Variants in SNX9 observed in about 807,000 individuals in gnomAD.
SNX9 encodes the protein sorting nexin-9.
Under a neutral mutation model 89.4 loss-of-function variants are expected in SNX9, and 44 were observed. The ratio of observed to expected loss-of-function variants is 0.49; its 90% CI spans 0.39 to 0.63. SNX9 has a LOEUF of 0.63. Among genes scored for constraint, SNX9 ranks in the 30% least tolerant of loss-of-function variants. The pLI is 0.00. For missense variants in SNX9, 578 were observed against 736.1 expected, an observed-to-expected ratio of 0.79 and a Z score of 2.49; for synonymous variants, 236 against 247.8, an observed-to-expected ratio of 0.95 and a Z score of 0.45.
intron 12 of SNX9, among the ~76,000 whole-genome samples, chr6:157,931,898 C>T (rs1405182668): frequency 6.6e-6 from 1 of 152,172 alleles, no homozygotes; most frequent in African/African-American, 2.4e-5. Context: ...GCTAGAAGTA[C>T]TTTGTAAGCT....
At chr6:157,879,149 C>T (rs368037071) in intron 4 of SNX9, among the ~76,000 whole-genome samples, 3 of 152,182 alleles carry the variant, frequency 2.0e-5, no homozygotes, top group Non-Finnish European at 2.9e-5. Context: ...TAAGGCCCAG[C>T]GGTTCTGAGT....
At chr6:157,884,930 C>T (rs149894972) in intron 4 of SNX9, among the ~76,000 whole-genome samples, 46 of 152,258 alleles carry the variant, frequency 3.0e-4, no homozygotes, top group Middle Eastern at 3.4e-3. Flanking sequence ...TACATCCTGT[C>T]ATCAGCACAG....
chr6:157,906,661 A>G (rs1055748855), intron 7 of SNX9, among the ~76,000 whole-genome samples: 2 of 152,202 alleles, frequency 1.3e-5, no homozygotes, highest in African/African-American at 4.8e-5. Flanking sequence ...CAGCTGTCAA[A>G]TTGAGATAAG....
At chr6:157,824,977 C>G (rs1002243288) in intron 1 of SNX9, among the ~76,000 whole-genome samples, 3 of 152,148 alleles carry the variant, frequency 2.0e-5, no homozygotes, top group African/African-American at 4.8e-5. Flanking sequence ...GGCGCGGTGG[C>G]TCACTCCCAC....
intron 9 of SNX9, among the ~76,000 whole-genome samples, chr6:157,916,520 G>A (rs1783475722): frequency 6.6e-6 from 1 of 152,208 alleles, no homozygotes; most frequent in Non-Finnish European, 1.5e-5. Flanking sequence ...TAGGGACAAA[G>A]CATTCAGTCT....
chr6:157,834,501 C>G (rs1453597345), intron 1 of SNX9, among the ~76,000 whole-genome samples: 3 of 148,042 alleles, frequency 2.0e-5, no homozygotes, highest in Admixed American at 6.7e-5. Flanking sequence ...TGTGTGCCAC[C>G]CCCCCGGCCA....
chr6:157,882,333 A>G (rs948611044), intron 4 of SNX9, among the ~76,000 whole-genome samples: 1 of 152,208 alleles, frequency 6.6e-6, no homozygotes, highest in African/African-American at 2.4e-5. Context: ...GCTCATTGAC[A>G]ATGCCCCTGG....
chr6:157,915,177 A>G (rs1783435571), intron 9 of SNX9, among the ~76,000 whole-genome samples: 1 of 152,174 alleles, frequency 6.6e-6, no homozygotes, highest in African/African-American at 2.4e-5. Context: ...CGCTAGTCCT[A>G]CACTGTCTTG....
In SNX9 at chr6:157,860,612, A is replaced by C. The variant is rs917772785; in HGVS notation, c.13-6935A>C. The stretch of plus-strand genomic sequence containing the variant: ...TCTTTGTCTAATTGTTCTTGTGTGC[A>C]CCGCATATAGAAGCTTTGATCTGGG... On this transcript the variant is annotated intron_variant, in intron 1 of 17. Transcript: ENST00000392185. Among the ~76,000 whole-genome samples the C allele has an allele frequency of 7.2e-5, 11 of 152,294 alleles. 1 individual carries two copies. The East Asian group carries it at 1.9e-3, about 27-fold the overall frequency.
chr6:157,895,568 A>C (rs950508788), intron 4 of SNX9, among the ~76,000 whole-genome samples: 32 of 152,172 alleles, frequency 2.1e-4, no homozygotes, highest in African/African-American at 7.7e-4. Context: ...ACAATGTGAA[A>C]GAATATTGTG....
intron 16 of SNX9, 68 bp downstream of exon 16, chr6:157,938,815 TAGAG>T (rs1225753638): frequency 5.0e-6 from 6 of 1,193,290 alleles, no homozygotes; most frequent in Non-Finnish European, 7.4e-6. Flanking sequence ...TTTCCCTTGA[TAGAG>T]AGAAATCCAG....
chr6:157,907,768 G>A (rs1783248844), intron 7 of SNX9, among the ~76,000 whole-genome samples: 1 of 152,188 alleles, frequency 6.6e-6, no homozygotes, highest in African/African-American at 2.4e-5. Flanking sequence ...GTCTTCAGGA[G>A]GCCCAGAGAA....
intron 9 of SNX9, among the ~76,000 whole-genome samples, chr6:157,915,640 A>ATATATATAT (rs1554296799): frequency 4.5e-4 from 43 of 95,134 alleles, no homozygotes; most frequent in African/African-American, 1.9e-3. Context: ...AAAAAAAAAA[A>ATATATATAT]ATATATATAT....
rs1783299535 is a variant in SNX9, at chr6:157,909,804, T to G, written c.831+14T>G. 1 of 1,613,498 alleles carries G rather than the reference T, an allele frequency of 6.2e-7. No individual in the cohort carries two copies. The highest frequency in any genetic ancestry group is 2.2e-5 in the East Asian group (1 of 44,878). ...CTAACACCTACTGTAAGTATCCACG[T>G]TATCAAAAGCAGAATCATGTTTGGA... On this transcript the variant is annotated intron_variant, in intron 8 of 17. Transcript: ENST00000392185.
At chr6:157,938,452 C>CT (rs1384325517) in intron 15 of SNX9, among the ~76,000 whole-genome samples, 181 bp from the exon 16 acceptor site, 1 of 152,154 alleles carries the variant, frequency 6.6e-6, no homozygotes, top group Non-Finnish European at 1.5e-5. Context: ...GAATAGCAAC[C>CT]TTTTTGCTTC....
chr6:157,842,620 T>A (rs912749814), intron 1 of SNX9, among the ~76,000 whole-genome samples: 2 of 151,958 alleles, frequency 1.3e-5, no homozygotes, highest in African/African-American at 4.8e-5. Context: ...AAGTGGGGAG[T>A]GCTGATTGGT....
chr6:157,912,811 C>T (rs1159318010), intron 9 of SNX9, among the ~76,000 whole-genome samples: 4 of 152,142 alleles, frequency 2.6e-5, no homozygotes, highest in East Asian at 1.9e-4. Flanking sequence ...TGGTACCAAA[C>T]TGACATATTC....
At chr6:157,874,664 A>G in intron 3 of SNX9, 1 of 170,798 alleles carries the variant, frequency 5.9e-6, no homozygotes, top group South Asian at 1.4e-4. Flanking sequence ...TCTCTAAGAC[A>G]GACCACATAT....
At chr6:157,856,949 A>T (rs1782025925) in intron 1 of SNX9, among the ~76,000 whole-genome samples, 2 of 152,144 alleles carry the variant, frequency 1.3e-5, no homozygotes, top group African/African-American at 4.8e-5. Context: ...TCATTCTATT[A>T]TTCCTTCATT....
Sources: gnomAD v4.1 joint callset for allele counts (sites outside exome capture counted in the v4.1 genomes callset) on GRCh38, gnomAD v4.1.1 for gene constraint, MANE v1.5 for transcripts, NCBI Gene and HGNC (gene_info 2026-07-23, HGNC 2026-07-21) for gene names.